The following EXOC3L1 variants were observed in gnomAD, a reference collection of about 807,000 sequenced individuals.
EXOC3L1 encodes the protein exocyst complex component 3 like 1.
In EXOC3L1, 79 loss-of-function variants were observed where a neutral mutation model predicts 83.6. That is an observed-to-expected ratio of 0.95 (90% confidence interval 0.79 to 1.14). EXOC3L1 has a LOEUF of 1.14. EXOC3L1 is among the 50% of genes most tolerant of loss of function. EXOC3L1 has a pLI of 0.00. For missense variants in EXOC3L1, 945 were observed against 972.0 expected (o/e 0.97, Z 0.37); for synonymous variants, 433 against 451.2 (o/e 0.96, Z 0.51).
intron 2 of EXOC3L1, among the ~76,000 whole-genome samples, chr16:67,189,422 G>A (rs915183850): frequency 1.1e-4 from 17 of 152,132 alleles, no homozygotes; most frequent in African/African-American, 3.9e-4. Context: ...GATTACAGGC[G>A]CGTGCCATCA....
At chr16:67,186,394 C>A in intron 8 of EXOC3L1, 47 bp from the exon 9 acceptor site, 1 of 1,456,636 alleles carries the variant, frequency 6.9e-7, no homozygotes, top group Non-Finnish European at 9.4e-7. Flanking sequence ...ATGCTGGCAT[C>A]CCCACAGCCC....
intron 9 of EXOC3L1, among the ~76,000 whole-genome samples, 163 bp downstream of exon 9, chr16:67,186,074 C>T (rs547171080): frequency 1.7e-4 from 26 of 152,340 alleles, no homozygotes; most frequent in African/African-American, 6.0e-4. Context: ...GATTAGGTAA[C>T]TCATCCAAGG....
At position 67,187,690 on chromosome 16, in the gene EXOC3L1, T is replaced by G; in HGVS notation, c.575A>C (p.Asp192Ala). 6.2e-7 allele frequency: 1 copy of G among 1,612,780 alleles called. No homozygotes were observed. The highest frequency in any genetic ancestry group is 8.5e-7 in the Non-Finnish European group (1 of 1,179,918). ...CTGGCCCAGTGCCTCGAACAGAAGGTCCAGCCCCTGGAAGACTGGCAACTC... is the reference window on the plus strand; with the variant it reads ...CTGGCCCAGTGCCTCGAACAGAAGGGCCAGCCCCTGGAAGACTGGCAACTC... ...GLELPVFQGLDLLFEALGQAV... is the reference protein window; with the variant it reads ...GLELPVFQGLALLFEALGQAV... Residue 192 changes from aspartate (D) to alanine (A), a missense_variant, in exon 5 of 14, where the codon GAC (aspartate) becomes GCC (alanine). By Grantham distance (126) the Asp-to-Ala change is moderately radical. Coordinates refer to ENST00000314586, the MANE Select transcript of EXOC3L1 (RefSeq NM_178516.4).
At chr16:67,188,278 C>CATAA (rs766346365) in intron 4 of EXOC3L1, among the ~76,000 whole-genome samples, 11 of 152,046 alleles carry the variant, frequency 7.2e-5, no homozygotes, top group Admixed American at 3.9e-4. Context: ...AACAAAAAAC[C>CATAA]ATAAATAAAT....
Position 67,187,481 on chromosome 16 carries a change from C to A in EXOC3L1, c.784G>T (p.Gly262Trp). 6.2e-7 allele frequency: 1 copy of A among 1,605,830 alleles called. No individual in the cohort carries two copies. The highest frequency in any genetic ancestry group is 8.5e-7 in the Non-Finnish European group (1 of 1,179,424). The change falls in exon 5 of 14, where the codon GGG (glycine) becomes TGG (tryptophan). Residue 262 changes from glycine to tryptophan, a missense_variant. Gly to Trp is a radical substitution (Grantham distance 184). Transcript: ENST00000314586. ...LQEGLEQAHF[G>W]SPLLPAPGAL... The stretch of plus-strand genomic sequence containing the variant: ...CCTGGTGCAGGCAGCAGAGGTGACC[C>A]AAAGTGGGCCTGCTCCAGGCCCTCC...
In EXOC3L1 at chr16:67,184,468, G is replaced by T; in HGVS notation, c.2167C>A (p.Pro723Thr). ...GAGGCCGGCGCGAGCGCGGGCGCGG[G>T]CACTAGGCTGAAGAGGACGCGGCGG... ...ASRRVLFSLV[P>T]APALAPASCL... The change falls in exon 14 of 14, where the codon CCC (proline) becomes ACC (threonine). Residue 723 changes from proline to threonine, a missense_variant. Transcript: ENST00000314586. The T allele has an allele frequency of 1.3e-6, 2 of 1,529,924 alleles. No homozygotes were observed. Among genetic ancestry groups the T allele is most frequent in the Non-Finnish European group, 1.7e-6 (2 of 1,144,416 alleles). 94.8% of individuals were successfully genotyped at this position (1,529,924 alleles called of 1,614,324 possible).
rs376587737 is a variant in EXOC3L1, at chr16:67,189,803, G to C, written c.-7-120C>G. The C allele has an allele frequency of 4.0e-5, 41 of 1,024,128 alleles. No individual in the cohort carries two copies. In the East Asian group the frequency reaches 1.1e-3, roughly 27 times the overall value. 63.4% of individuals were successfully genotyped at this position (1,024,128 alleles called of 1,614,324 possible). The stretch of plus-strand genomic sequence containing the variant: ...GAAGGAGGTTCTTCCCGGCCCCCTC[G>C]GGAAGTGAGAGGGAGCGGGTGTGAT... On this transcript the variant is annotated intron_variant, in intron 1 of 13. Coordinates refer to ENST00000314586, the MANE Select transcript of EXOC3L1 (RefSeq NM_178516.4).
At position 67,184,738 on chromosome 16, in the gene EXOC3L1, C is replaced by G; in HGVS notation, c.1978G>C (p.Ala660Pro). ...LRELLNLRDP[A>P]LLGLEVAGLR... ...CCAGCCACCTCCAGGCCCAGCAGCG[C>G]GGGGTCGCGGAGGTTTAGCAGCTCC... The change falls in exon 13 of 14, where the codon GCG becomes CCG. Residue 660 changes from alanine to proline, a missense_variant. Physicochemically the swap from Ala to Pro is conservative, Grantham distance 27. Transcript: ENST00000314586. 1 of 1,586,520 alleles carries G rather than the reference C, an allele frequency of 6.3e-7. No homozygotes were observed. Among genetic ancestry groups the G allele is most frequent in the Non-Finnish European group, 8.5e-7 (1 of 1,170,482 alleles).
At position 67,184,782 on chromosome 16, in the gene EXOC3L1, G is replaced by A. The variant is rs962477857; in HGVS notation, c.1934C>T (p.Pro645Leu). The change falls in exon 13 of 14, where the codon CCG (proline) becomes CTG (leucine). Residue 645 changes from proline (P) to leucine (L), a missense_variant. Coordinates refer to ENST00000314586, the MANE Select transcript of EXOC3L1 (RefSeq NM_178516.4). Reference protein sequence around the residue: ...LGLEENAHCAPVLLALRELLN... With the variant: ...LGLEENAHCALVLLALRELLN... The stretch of plus-strand genomic sequence containing the variant: ...CAGCTCCCTCAGGGCGAGCAGCACC[G>A]GCGCGCAGTGCGCGTTCTCCTCCAG... 9 of 1,599,722 alleles carry A rather than the reference G, an allele frequency of 5.6e-6. No homozygotes were observed. Among genetic ancestry groups the A allele is most frequent in the Non-Finnish European group, 7.6e-6 (9 of 1,178,242 alleles).
chr16:67,185,291 G>T (rs898272036), intron 10 of EXOC3L1, 33 bp from the exon 11 acceptor site: 3 of 1,613,122 alleles, frequency 1.9e-6, no homozygotes, highest in Non-Finnish European at 2.5e-6. Flanking sequence ...GCATTGCCGC[G>T]GAGACCCCCA....
Position 67,187,479 on chromosome 16 carries a change from C to T in EXOC3L1, c.786G>A (p.Gly262=), listed in dbSNP as rs1474413453. Residue 262 remains glycine (G), a synonymous_variant, in exon 5 of 14, where the codon GGG becomes GGA. Transcript: ENST00000314586. ...CCCCTGGTGCAGGCAGCAGAGGTGA[C>T]CCAAAGTGGGCCTGCTCCAGGCCCT... ...LQEGLEQAHF[G]SPLLPAPGAL... The T allele has an allele frequency of 1.2e-6, 2 of 1,606,108 alleles. No individual in the cohort carries two copies. Among genetic ancestry groups the T allele is most frequent in the African/African-American group, 2.7e-5 (2 of 74,924 alleles).
At chr16:67,185,825 C>G (rs993033065) in intron 9 of EXOC3L1, among the ~76,000 whole-genome samples, 1 of 152,162 alleles carries the variant, frequency 6.6e-6, no homozygotes, top group African/African-American at 2.4e-5. Context: ...CTTGCCCCCA[C>G]CAAAAAGAAC....
chr16:67,188,012 C>T (rs1381641083), intron 4 of EXOC3L1, among the ~76,000 whole-genome samples, 175 bp from the exon 5 acceptor site: 1 of 152,076 alleles, frequency 6.6e-6, no homozygotes, highest in South Asian at 2.1e-4. Flanking sequence ...GGGAGGCCAA[C>T]GTGGGTGAAT....
Position 67,185,075 on chromosome 16 carries a change from G to C in EXOC3L1, c.1750-18C>G, listed in dbSNP as rs1302457301. On this transcript the variant is annotated intron_variant, in intron 11 of 13. Transcript: ENST00000314586. ...AGCAGCAGCTGCGGGGAGGCAATCAGGCGGGTGCAGGTCGCCTCTCACCCG... is the reference window on the plus strand; with the variant it reads ...AGCAGCAGCTGCGGGGAGGCAATCACGCGGGTGCAGGTCGCCTCTCACCCG... 1 of 1,611,518 alleles carries C rather than the reference G, an allele frequency of 6.2e-7. No individual in the cohort carries two copies. The highest frequency in any genetic ancestry group is 8.5e-7 in the Non-Finnish European group (1 of 1,179,182).
rs2032652282 is a variant in EXOC3L1, at chr16:67,185,055, C to T, written c.1752G>A (p.Leu584=). 6.2e-7 allele frequency: 1 copy of T among 1,609,724 alleles called. No homozygotes were observed. Among genetic ancestry groups the T allele is most frequent in the Non-Finnish European group, 8.5e-7 (1 of 1,177,916 alleles). ...FWRVRNPTVQ[L]LLAEAERAVV... ...CGGCACGCTCGGCCTCAGCCAGCAG[C>T]AGCTGCGGGGAGGCAATCAGGCGGG... Residue 584 remains leucine, a splice_region_variant and synonymous_variant, in exon 12 of 14, where the codon CTG becomes CTA. Transcript: ENST00000314586.
intron 1 of EXOC3L1, 102 bp from the exon 2 acceptor site, chr16:67,189,785 G>C: frequency 8.4e-7 from 1 of 1,189,990 alleles, no homozygotes; most frequent in Non-Finnish European, 1.2e-6. Flanking sequence ...GAGGAAGGAG[G>C]TTCTTCCCGG....
rs1364946379 is a variant in EXOC3L1 at position 67,188,827 on chromosome 16, G to A, written c.321C>T (p.Leu107=). The change falls in exon 4 of 14, where the codon CTC becomes CTT. Residue 107 remains leucine (L), a synonymous_variant. Coordinates refer to ENST00000314586, the MANE Select transcript of EXOC3L1 (RefSeq NM_178516.4). ...REALSQARGL[L]QGMSQALQTL... Reference sequence around the variant, plus strand: ...TCTGTAAGGCCTGGGACATGCCCTGGAGCAACCCACGGGCCTGGCTCAGGG... The same window carrying A: ...TCTGTAAGGCCTGGGACATGCCCTGAAGCAACCCACGGGCCTGGCTCAGGG... 2.5e-6 allele frequency: 4 copies of A among 1,613,312 alleles called. No individual in the cohort carries two copies. In the South Asian group the frequency reaches 4.4e-5, roughly 18 times the overall value.
intron 9 of EXOC3L1, 40 bp from the exon 10 acceptor site, chr16:67,185,530 G>C (rs2032679863): frequency 1.3e-6 from 2 of 1,578,048 alleles, no homozygotes; most frequent in African/African-American, 2.7e-5. Flanking sequence ...CCAAGGCCAA[G>C]GCCCGCATGG....
In EXOC3L1 at chr16:67,188,944, T is replaced by C. The variant is rs779004816; in HGVS notation, c.208-4A>G. 1 of 1,611,894 alleles carries C rather than the reference T, an allele frequency of 6.2e-7. No homozygotes were observed. The highest frequency in any genetic ancestry group is 1.1e-5 in the South Asian group (1 of 91,020). ...CCAGGTATGACTGCATCACTGACTGTGGAAAGATGGAGCCATGAGGCTGGG... is the reference window on the plus strand; with the variant it reads ...CCAGGTATGACTGCATCACTGACTGCGGAAAGATGGAGCCATGAGGCTGGG... On this transcript the variant is annotated splice_region_variant and splice_polypyrimidine_tract_variant and intron_variant, in intron 3 of 13. Coordinates refer to ENST00000314586, the MANE Select transcript of EXOC3L1 (RefSeq NM_178516.4).
Sources: allele counts gnomAD v4.1 joint callset (sites outside exome capture counted in the v4.1 genomes callset), GRCh38; gene constraint gnomAD v4.1.1; transcripts MANE v1.5; gene names NCBI Gene and HGNC (gene_info 2026-07-23, HGNC 2026-07-21).